The following ZNF831 variants were observed in gnomAD, a reference collection of about 807,000 sequenced individuals.
ZNF831 encodes zinc finger protein 831.
Under a neutral mutation model 95.8 loss-of-function variants are expected in ZNF831, and 59 were observed. The observed-to-expected ratio is 0.62, with a 90% confidence interval of 0.50 to 0.77. The LOEUF is 0.77. Ranked by LOEUF, ZNF831 falls within the 30% of genes least tolerant of loss-of-function variation. The pLI, the probability that ZNF831 is intolerant of heterozygous loss-of-function variation, is 0.00. For missense variants in ZNF831, 2,205 were observed against 2,164.0 expected, an observed-to-expected ratio of 1.02 and a Z score of -0.38; for synonymous variants, 961 against 925.5, an observed-to-expected ratio of 1.04 and a Z score of -0.70.
intron 1 of ZNF831, among the ~76,000 whole-genome samples, chr20:59,124,429 A>G (rs949776953): frequency 2.0e-5 from 3 of 152,160 alleles, no homozygotes; most frequent in Admixed American, 1.3e-4. Context: ...TGTGTACCTG[A>G]TTCACCATCT....
intron 4 of ZNF831, among the ~76,000 whole-genome samples, chr20:59,207,620 T>C (rs1050934211): frequency 2.0e-5 from 3 of 152,212 alleles, no homozygotes; most frequent in African/African-American, 7.2e-5. Flanking sequence ...ATGGCTATTT[T>C]AAGCTGCAAT....
chr20:59,206,793 A>T, intron 3 of ZNF831, 112 bp from the exon 4 acceptor site: 1 of 1,171,494 alleles, frequency 8.5e-7, no homozygotes, highest in Non-Finnish European at 1.2e-6. Flanking sequence ...CTGACCAGCT[A>T]GTTAGAGGTT....
At chr20:59,233,579 AAATG>A (rs1986853595) in intron 4 of ZNF831, among the ~76,000 whole-genome samples, 1 of 152,222 alleles carries the variant, frequency 6.6e-6, no homozygotes, top group Admixed American at 6.5e-5. Flanking sequence ...AAGCCTCCAT[AAATG>A]ATTATTTCAG....
intron 4 of ZNF831, among the ~76,000 whole-genome samples, chr20:59,221,709 A>C (rs1014862930): frequency 2.0e-5 from 3 of 152,020 alleles, no homozygotes; most frequent in Admixed American, 1.3e-4. Flanking sequence ...CCTTGCTAAA[A>C]CTCTTAAAAT....
At chr20:59,246,081 G>A (rs73915988) in intron 4 of ZNF831, among the ~76,000 whole-genome samples, 2 of 152,146 alleles carry the variant, frequency 1.3e-5, no homozygotes, top group African/African-American at 2.4e-5. Context: ...GCCTGGGCCA[G>A]CTCACCTCTC....
intron 2 of ZNF831, among the ~76,000 whole-genome samples, chr20:59,155,917 A>G (rs1980512207): frequency 6.6e-6 from 1 of 152,118 alleles, no homozygotes; most frequent in South Asian, 2.1e-4. Context: ...CCAAAGGTAC[A>G]TGATGAGTTG....
intron 1 of ZNF831, among the ~76,000 whole-genome samples, chr20:59,165,826 T>C (rs1201411316): frequency 6.6e-6 from 1 of 152,184 alleles, no homozygotes; most frequent in Non-Finnish European, 1.5e-5. Context: ...ATCAGCTCAC[T>C]ACAACCTCTA....
At chr20:59,158,826 C>G (rs534363268), upstream of ZNF831, among the ~76,000 whole-genome samples, 1 of 152,274 alleles carries the variant, frequency 6.6e-6, no homozygotes, top group African/African-American at 2.4e-5. Flanking sequence ...ATTCCCACAT[C>G]CCTTCAGCCA....
At chr20:59,253,862 C>CCT in intron 5 of ZNF831, 36 bp from the exon 6 acceptor site, 1 of 1,070,944 alleles carries the variant, frequency 9.3e-7, no homozygotes, top group South Asian at 1.7e-5. Context: ...ATTAACCTCC[C>CCT]CCCCCACTTT....
intron 4 of ZNF831, among the ~76,000 whole-genome samples, chr20:59,209,772 TC>T: frequency 1.4e-5 from 1 of 71,508 alleles, no homozygotes; most frequent in South Asian, 3.7e-4. Flanking sequence ...TCCAGCTATT[TC>T]CTGCTATTTC....
At chr20:59,238,109 G>A (rs1042911999) in intron 4 of ZNF831, among the ~76,000 whole-genome samples, 1 of 152,166 alleles carries the variant, frequency 6.6e-6, no homozygotes, top group Non-Finnish European at 1.5e-5. Context: ...AAGCGGTAGA[G>A]ACCTCGGACC....
At chr20:59,127,401 C>G (rs1311564107) in intron 1 of ZNF831, among the ~76,000 whole-genome samples, 1 of 152,168 alleles carries the variant, frequency 6.6e-6, no homozygotes, top group African/African-American at 2.4e-5. Context: ...CTGGTCAGAT[C>G]TTCCTATGGC....
intron 1 of ZNF831, among the ~76,000 whole-genome samples, chr20:59,187,892 A>G (rs1357405113): frequency 6.6e-6 from 1 of 152,242 alleles, no homozygotes; most frequent in Non-Finnish European, 1.5e-5. Context: ...AAATGCAATT[A>G]TAAAACACGT....
At chr20:59,245,394 T>C (rs563487391) in intron 4 of ZNF831, among the ~76,000 whole-genome samples, 13 of 152,302 alleles carry the variant, frequency 8.5e-5, no homozygotes, top group Non-Finnish European at 8.8e-5. Context: ...GGGCTTGCTG[T>C]TTGGCCATCC....
intron 4 of ZNF831, among the ~76,000 whole-genome samples, chr20:59,252,114 T>C (rs1987919864): frequency 6.6e-6 from 1 of 152,198 alleles, no homozygotes; most frequent in South Asian, 2.1e-4. Context: ...TATAACAATG[T>C]TATCAGACAT....
At chr20:59,213,145 C>A (rs971016106) in intron 4 of ZNF831, among the ~76,000 whole-genome samples, 2 of 152,128 alleles carry the variant, frequency 1.3e-5, no homozygotes, top group African/African-American at 4.8e-5. Flanking sequence ...GATGACCTAG[C>A]AATTAAAGTA....
At chr20:59,150,797 G>A (rs2146456282) in intron 2 of ZNF831, among the ~76,000 whole-genome samples, 1 of 152,336 alleles carries the variant, frequency 6.6e-6, no homozygotes, top group East Asian at 1.9e-4. Flanking sequence ...AGAGGCTCAG[G>A]GAGGTTGGTG....
At chr20:59,185,230 C>T (rs558827433) in intron 1 of ZNF831, among the ~76,000 whole-genome samples, 17 of 152,266 alleles carry the variant, frequency 1.1e-4, no homozygotes, top group African/African-American at 1.7e-4. Context: ...CTGAGAAAAG[C>T]GTCATCTCCC....
rs748829301 is a variant in ZNF831, at chr20:59,192,742, A to G, written c.1723A>G (p.Ile575Val). 1 of 1,611,122 alleles carries G rather than the reference A, an allele frequency of 6.2e-7. No individual in the cohort carries two copies. The highest frequency in any genetic ancestry group is 1.1e-5 in the South Asian group (1 of 90,928). ...AAVEDLPGTPIGDALVPAEDT... is the reference protein window; with the variant it reads ...AAVEDLPGTPVGDALVPAEDT... ...GGTGGAGGACCTGCCAGGCACCCCC[A>G]TTGGCGATGCCCTGGTGCCCGCAGA... The change falls in exon 2 of 6, where the codon ATT becomes GTT. Residue 575 changes from isoleucine to valine, a missense_variant. Coordinates refer to ENST00000371030, the MANE Select transcript of ZNF831 (RefSeq NM_178457.3). The surrounding 1 kb of genome is among the most constrained non-coding windows in gnomAD (Gnocchi z 5.2).
Sources: gnomAD v4.1 joint callset for allele counts (sites outside exome capture counted in the v4.1 genomes callset) on GRCh38, gnomAD v4.1.1 for gene constraint, Gnocchi (gnomAD v3.1) non-coding constraint, MANE v1.5 for transcripts, NCBI Gene and HGNC (gene_info 2026-07-23, HGNC 2026-07-21) for gene names.